LRRK2: variants seen among roughly 807,000 people sequenced by gnomAD.
LRRK2 encodes the protein leucine rich repeat kinase 2.
In LRRK2, 203 loss-of-function variants were observed where a neutral mutation model predicts 302.6. The observed-to-expected ratio is 0.67, with a 90% CI of 0.60 to 0.75. The LOEUF is 0.75. LRRK2 is among the 30% of genes least tolerant of loss of function. The pLI is 0.00. For missense variants in LRRK2, 2,830 were observed against 2,951.0 expected, an observed-to-expected ratio of 0.96 and a Z score of 0.95; for synonymous variants, 1,066 against 1,031.9, an observed-to-expected ratio of 1.03 and a Z score of -0.63.
In LRRK2 at chr12:40,252,976, G is replaced by C; in HGVS notation, c.1248G>C (p.Gln416His). The change falls in exon 11 of 51, where the codon CAG becomes CAC. Residue 416 changes from glutamine to histidine, a missense_variant. This residue lies in a region of LRRK2 where 2,121 missense variants were observed against 2,148.0 expected (regional missense o/e 0.99). Transcript: ENST00000298910. The part of the protein sequence containing the change: ...LMHSSSKEVF[Q>H]ASANALSTLL... ...ATTCTTCATCAAAGGAAGTTTTCCAGGCATCTGCGAATGCATTGTCAACTC... is the reference window on the plus strand; with the variant it reads ...ATTCTTCATCAAAGGAAGTTTTCCACGCATCTGCGAATGCATTGTCAACTC... 1.2e-6 allele frequency: 2 copies of C among 1,613,356 alleles called. No homozygotes were observed. Among genetic ancestry groups the C allele is most frequent in the Non-Finnish European group, 1.7e-6 (2 of 1,179,520 alleles).
chr12:40,353,648 G>A (rs1246123737), intron 44 of LRRK2, among the ~76,000 whole-genome samples: 1 of 152,230 alleles, frequency 6.6e-6, no homozygotes, highest in Non-Finnish European at 1.5e-5. Flanking sequence ...GGAGGTGGAG[G>A]TTGTAGGTAG....
rs369497805 is a variant in LRRK2 at position 40,335,117 on chromosome 12, C to T, written c.5908C>T (p.Leu1970=). The change falls in exon 40 of 51, where the codon CTA becomes TTA. Residue 1970 remains leucine, a synonymous_variant. Coordinates refer to ENST00000298910, the MANE Select transcript of LRRK2 (RefSeq NM_198578.4). ...QQDKASLTRT[L]QHRIALHVAD... The stretch of plus-strand genomic sequence containing the variant: ...GGACAAAGCCAGCCTCACTAGAACC[C>T]TACAGCACAGGATTGCACTCCACGT... The T allele has an allele frequency of 1.9e-6, 3 of 1,613,924 alleles. No individual in the cohort carries two copies. In the African/African-American group the frequency reaches 4.0e-5, roughly 22 times the overall value.
chr12:40,353,128 C>T (rs191816496), intron 44 of LRRK2, among the ~76,000 whole-genome samples: 1,837 of 151,558 alleles, frequency 0.012, 39 homozygotes, highest in African/African-American at 0.041. Context: ...CCAGCGGAGA[C>T]GCTCCTCACT....
At chr12:40,297,240 G>A (rs1944419520) in intron 23 of LRRK2, among the ~76,000 whole-genome samples, 1 of 152,090 alleles carries the variant, frequency 6.6e-6, no homozygotes, top group Admixed American at 6.6e-5. Context: ...AATAATTTTG[G>A]GATTTAGTCT....
chr12:40,265,094 C>T (rs1787618800), intron 14 of LRRK2, among the ~76,000 whole-genome samples: 1 of 152,126 alleles, frequency 6.6e-6, no homozygotes, highest in African/African-American at 2.4e-5. Flanking sequence ...TTTATACTGT[C>T]ACTCACTGCC....
chr12:40,243,395 A>AT (rs1431600055), intron 6 of LRRK2, among the ~76,000 whole-genome samples, 155 bp from the exon 7 acceptor site: 2 of 152,118 alleles, frequency 1.3e-5, no homozygotes, highest in Non-Finnish European at 2.9e-5. Flanking sequence ...ACAGCATAGT[A>AT]TTTTTTACAG....
intron 31 of LRRK2, 94 bp from the exon 32 acceptor site, chr12:40,313,878 T>C: frequency 1.1e-6 from 1 of 932,554 alleles, no homozygotes; most frequent in Non-Finnish European, 1.7e-6. Flanking sequence ...AATATATCTG[T>C]TTCTGTAAAA....
chr12:40,263,876 A>G lies in LRRK2; in HGVS notation c.1631A>G (p.Lys544Arg). 1 of 1,612,194 alleles carries G rather than the reference A, an allele frequency of 6.2e-7. No individual in the cohort carries two copies. The highest frequency in any genetic ancestry group is 8.5e-7 in the Non-Finnish European group (1 of 1,178,588). ...CAGTGTTTCAAGAATGATATTCACA[A>G]ACTGGTCCTAGCAGCTTTGAACAGG... ...KKQCFKNDIH[K>R]LVLAALNRFI... Residue 544 changes from lysine (K) to arginine (R), a missense_variant, in exon 14 of 51, where the codon AAA (lysine) becomes AGA (arginine). By Grantham distance (26) the Lys-to-Arg change is conservative. Around this residue, in one of 3 missense-constraint regions of LRRK2, gnomAD observed 2,121 missense variants for 2,148.0 expected, o/e 0.99. Transcript: ENST00000298910.
chr12:40,354,293 T>G lies in LRRK2; in HGVS notation c.6577-6T>G. The G allele has an allele frequency of 2.5e-6, 4 of 1,613,116 alleles. No homozygotes were observed. The highest frequency in any genetic ancestry group is 3.4e-6 in the Non-Finnish European group (4 of 1,179,284). On this transcript the variant is annotated splice_region_variant and splice_polypyrimidine_tract_variant and intron_variant, in intron 44 of 50. Transcript: ENST00000298910. Reference sequence around the variant, plus strand: ...TCCTGCTAAGTATATTTTCTTTTCTTAACAGGAAGTTGCTGATAGTAGAAT... The same window carrying G: ...TCCTGCTAAGTATATTTTCTTTTCTGAACAGGAAGTTGCTGATAGTAGAAT...
At chr12:40,238,834 T>C (rs1218824034) in intron 5 of LRRK2, among the ~76,000 whole-genome samples, 1 of 152,188 alleles carries the variant, frequency 6.6e-6, no homozygotes, top group Non-Finnish European at 1.5e-5. Context: ...ATGGGATAGA[T>C]CACCTGATAA....
At chr12:40,282,912 T>C (rs1286066088) in intron 18 of LRRK2, among the ~76,000 whole-genome samples, 2 of 152,180 alleles carry the variant, frequency 1.3e-5, no homozygotes, top group Non-Finnish European at 2.9e-5. Flanking sequence ...GTCACACAGG[T>C]TTTGAAGCCA....
chr12:40,306,083 C>T, intron 28 of LRRK2, 117 bp downstream of exon 28: 1 of 759,868 alleles, frequency 1.3e-6, no homozygotes, highest in Non-Finnish European at 2.1e-6. Flanking sequence ...TAATATTTGG[C>T]ATTAATATGC....
At chr12:40,278,956 A>T (rs1228591097) in intron 18 of LRRK2, among the ~76,000 whole-genome samples, 1 of 152,112 alleles carries the variant, frequency 6.6e-6, no homozygotes, top group Middle Eastern at 3.2e-3. Context: ...AGTTGTGTGA[A>T]AATAACAGTG....
intron 7 of LRRK2, 35 bp from the exon 8 acceptor site, chr12:40,249,791 A>T (rs751100619): frequency 1.2e-6 from 2 of 1,610,892 alleles, no homozygotes; most frequent in South Asian, 1.1e-5. Flanking sequence ...ACTTCCATGG[A>T]TGAGAATTCA....
rs200580973 is a variant in LRRK2 at position 40,320,054 on chromosome 12, G to C, written c.4894G>C (p.Glu1632Gln). The change falls in exon 34 of 51, where the codon GAA becomes CAA. Residue 1632 changes from glutamate to glutamine, a missense_variant. Coordinates refer to ENST00000298910, the MANE Select transcript of LRRK2 (RefSeq NM_198578.4). ...PKGIISRRDVEKFLSKKRKFP... is the reference protein window; with the variant it reads ...PKGIISRRDVQKFLSKKRKFP... ...GGGCATTATTTCGCGTAGAGATGTG[G>C]AAAAATTTCTTTCAAAAAAAAGGAA... 68 of 1,611,616 alleles carry C rather than the reference G, an allele frequency of 4.2e-5. No individual in the cohort carries two copies. The highest frequency in any genetic ancestry group is 5.3e-5 in the Non-Finnish European group (62 of 1,178,742).
rs533409083 is a variant in LRRK2, at chr12:40,295,448, A to G, written c.2900A>G (p.His967Arg). The change falls in exon 23 of 51, where the codon CAT becomes CGT. Residue 967 changes from histidine to arginine, a missense_variant. His to Arg is a conservative substitution (Grantham distance 29). Around this residue, in one of 3 missense-constraint regions of LRRK2, gnomAD observed 2,121 missense variants for 2,148.0 expected, o/e 0.99. Transcript: ENST00000298910. ...AAAGGGTCATCAAAACTTCAATCCC[A>G]TATGAGGCATTCAGACAGCATTTCT... is the stretch of plus-strand genomic sequence containing the variant. The part of the protein sequence containing the change: ...DSLRSSKLQS[H>R]MRHSDSISSL... 5.6e-6 allele frequency: 9 copies of G among 1,613,248 alleles called. No homozygotes were observed. In the African/African-American group the frequency reaches 8.0e-5, roughly 14 times the overall value.
chr12:40,264,094 A>T (rs895953068), intron 14 of LRRK2, among the ~76,000 whole-genome samples, 193 bp downstream of exon 14: 1 of 152,178 alleles, frequency 6.6e-6, no homozygotes, highest in African/African-American at 2.4e-5. Flanking sequence ...AAGTCCAGCT[A>T]AGTGTATTAT....
At chr12:40,243,881 T>C (rs955263087) in intron 7 of LRRK2, among the ~76,000 whole-genome samples, 200 bp downstream of exon 7, 2 of 152,104 alleles carry the variant, frequency 1.3e-5, no homozygotes, top group Admixed American at 6.6e-5. Flanking sequence ...TTAGATGGAC[T>C]TTTAAAAGGA....
intron 22 of LRRK2, among the ~76,000 whole-genome samples, chr12:40,295,157 A>G (rs1480861309): frequency 6.6e-6 from 1 of 152,096 alleles, no homozygotes; most frequent in Non-Finnish European, 1.5e-5. Context: ...TCTGAAATGT[A>G]AATAACACCT....
Sources: allele counts gnomAD v4.1 joint callset (sites outside exome capture counted in the v4.1 genomes callset), GRCh38; gene constraint gnomAD v4.1.1; regional missense constraint gnomAD v4.1.1; transcripts MANE v1.5; gene names NCBI Gene and HGNC (gene_info 2026-07-23, HGNC 2026-07-21).